Variants in PAQR5 observed in about 807,000 individuals in gnomAD.
The protein encoded by PAQR5 is progestin and adipoQ receptor family member 5, also known as membrane progestin receptor gamma.
PAQR5 carries 20 observed loss-of-function variants against 34.5 expected under a neutral mutation model. That is an observed-to-expected ratio of 0.58 (90% CI 0.41 to 0.84). The LOEUF (loss-of-function observed/expected upper bound fraction) is 0.84, where lower values mean the gene tolerates loss of function less well. PAQR5 is among the 40% of genes least tolerant of loss of function. PAQR5 has a pLI of 0.00. For missense variants in PAQR5, 378 were observed against 412.7 expected, an observed-to-expected ratio of 0.92 and a Z score of 0.73; for synonymous variants, 131 against 155.6, an observed-to-expected ratio of 0.84 and a Z score of 1.18.
intron 5 of PAQR5, among the ~76,000 whole-genome samples, chr15:69,387,032 C>T (rs565040360): frequency 6.6e-6 from 1 of 152,160 alleles, no homozygotes; most frequent in East Asian, 1.9e-4. Flanking sequence ...CTCCTACCTG[C>T]TGTAAGCGGC....
chr15:69,393,194 T>C (rs1460251455), intron 6 of PAQR5, among the ~76,000 whole-genome samples: 1 of 147,734 alleles, frequency 6.8e-6, no homozygotes, highest in Non-Finnish European at 1.5e-5. Context: ...GCCCTTCCAG[T>C]GCCCTTTGTA....
intron 1 of PAQR5, among the ~76,000 whole-genome samples, chr15:69,314,055 TG>T (rs2053888026): frequency 6.6e-6 from 1 of 152,160 alleles, no homozygotes; most frequent in African/African-American, 2.4e-5. Context: ...CCTGGAATCC[TG>T]GCTTGCTGAA....
chr15:69,300,394 T>C (rs1342765493), intron 1 of PAQR5, among the ~76,000 whole-genome samples: 1 of 152,098 alleles, frequency 6.6e-6, no homozygotes, highest in Non-Finnish European at 1.5e-5. Context: ...ACAGCAAAGC[T>C]TCTTTTCCAA....
rs1007319599 is a variant in PAQR5, at chr15:69,389,780, G to C, written c.512G>C (p.Arg171Thr). The change falls in exon 6 of 9, where the codon AGG becomes ACG. Residue 171 changes from arginine (R) to threonine (T), a missense_variant and splice_region_variant. Arg to Thr is a moderately conservative substitution (Grantham distance 71). Transcript: ENST00000395407. ...ILSTGLSCYS[R>T]FLEIQKPRLC... ...AGCACAGGCCTCTCCTGCTACTCCA[G>C]GTACTGGTCGCTCTGACCTCAGATG... The C allele has an allele frequency of 1.9e-6, 3 of 1,614,112 alleles. No homozygotes were observed. Among genetic ancestry groups the C allele is most frequent in the Non-Finnish European group, 1.7e-6 (2 of 1,179,998 alleles).
At chr15:69,303,087 A>C (rs2053641197) in intron 1 of PAQR5, among the ~76,000 whole-genome samples, 1 of 152,186 alleles carries the variant, frequency 6.6e-6, no homozygotes, top group Non-Finnish European at 1.5e-5. Context: ...GGTCTCTCCC[A>C]AGAGATCAGA....
chr15:69,402,377 G>A (rs1158937714), intron 8 of PAQR5, among the ~76,000 whole-genome samples: 1 of 151,846 alleles, frequency 6.6e-6, no homozygotes, highest in African/African-American at 2.4e-5. Context: ...GAGTGCAGTG[G>A]CATGATCTTG....
chr15:69,337,912 T>TA (rs925962886), intron 2 of PAQR5, among the ~76,000 whole-genome samples: 7 of 151,756 alleles, frequency 4.6e-5, no homozygotes, highest in Admixed American at 1.3e-4. Context: ...CTGTCTCTAT[T>TA]AAAAAAATAC....
chr15:69,391,613 A>G (rs1457384747), intron 6 of PAQR5: 1 of 455,818 alleles, frequency 2.2e-6, no homozygotes, highest in Non-Finnish European at 4.4e-6. Flanking sequence ...ACACTCTTGG[A>G]CCTGGTCCTT....
At chr15:69,396,805 C>T (rs2056449421) in intron 6 of PAQR5, 1 of 267,942 alleles carries the variant, frequency 3.7e-6, no homozygotes, top group Non-Finnish European at 7.3e-6. Context: ...TCTGGGGGGA[C>T]CTGCCTCTCT....
At position 69,330,228 on chromosome 15, in the gene PAQR5, C is replaced by A. The variant is rs147427841; in HGVS notation, c.-276-7113C>A. ...ACCTGTGCAAAATTATGACTGAGAC[C>A]GTGAAAGAGATCTAACTTAACTGAC... On this transcript the variant is annotated intron_variant, in intron 1 of 8. Coordinates refer to ENST00000395407, the MANE Select transcript of PAQR5 (RefSeq NM_017705.4). 4.9e-3 allele frequency among the ~76,000 whole-genome samples: 743 copies of A among 152,240 alleles called. 14 individuals carry two copies. Among genetic ancestry groups the A allele is most frequent in the African/African-American group, 0.017 (693 of 41,548 alleles).
chr15:69,318,458 T>A (rs1285563366), intron 1 of PAQR5, among the ~76,000 whole-genome samples: 1 of 152,180 alleles, frequency 6.6e-6, no homozygotes, highest in African/African-American at 2.4e-5. Context: ...GTATGTCTTG[T>A]CTCCTCAGAA....
intron 3 of PAQR5, among the ~76,000 whole-genome samples, chr15:69,375,323 A>T: frequency 6.6e-6 from 1 of 152,016 alleles, no homozygotes; most frequent in Non-Finnish European, 1.5e-5. Flanking sequence ...CCTTCTTGTG[A>T]GGGACACCAG....
chr15:69,339,168 A>ACCCCC lies in PAQR5; in HGVS notation c.-116+1668_-116+1669insCCCCC, dbSNP rs111647955. On this transcript the variant is annotated intron_variant, in intron 2 of 8. Coordinates refer to ENST00000395407, the MANE Select transcript of PAQR5 (RefSeq NM_017705.4). Reference sequence around the variant, plus strand: ...AGTCACCACTCCTGGCCCACTGGCTACACCCCCCACCCCGCCACCAAGTTA... The same window carrying ACCCCC: ...AGTCACCACTCCTGGCCCACTGGCTACCCCCCACCCCCCACCCCGCCACCAAGTTA... Among the ~76,000 whole-genome samples, 105 of 133,948 alleles carry ACCCCC rather than the reference A, an allele frequency of 7.8e-4. 2 individuals are homozygous for ACCCCC. The highest frequency in any genetic ancestry group is 1.0e-3 in the Non-Finnish European group (61 of 60,160). The allele number at this position is 133,948 out of a possible 152,430, so 87.9% of individuals were successfully genotyped here.
chr15:69,397,101 C>A, intron 6 of PAQR5: 1 of 443,438 alleles, frequency 2.3e-6, no homozygotes, highest in Non-Finnish European at 4.5e-6. Flanking sequence ...GTGGATCCCC[C>A]GATTCCCCCT....
intron 4 of PAQR5, chr15:69,382,706 GTA>G (rs2055930522): frequency 1.0e-5 from 1 of 98,752 alleles, no homozygotes; most frequent in Admixed American, 1.1e-4. Context: ...ATATATATAT[GTA>G]TGTATGTATA....
rs1261329487 is a variant in PAQR5 at position 69,403,677 on chromosome 15, T to A, written c.848T>A (p.Leu283His). 2 of 1,614,200 alleles carry A rather than the reference T, an allele frequency of 1.2e-6. No homozygotes were observed. Reference sequence around the variant, plus strand: ...GACAAGACTCTGAGGAAGGAATGGCTCCTGGCCACCTCCAAGCCCTTCTCT... The same window carrying A: ...GACAAGACTCTGAGGAAGGAATGGCACCTGGCCACCTCCAAGCCCTTCTCT... Reference protein sequence around the residue: ...LLDKTLRKEWLLATSKPFSFS... With the variant: ...LLDKTLRKEWHLATSKPFSFS... The change falls in exon 9 of 9, where the codon CTC (leucine) becomes CAC (histidine). Residue 283 changes from leucine to histidine, a missense_variant. By Grantham distance (99) the Leu-to-His change is moderately conservative (BLOSUM62 -3). Transcript: ENST00000395407.
At chr15:69,386,477 C>A (rs2056112761) in intron 5 of PAQR5, among the ~76,000 whole-genome samples, 1 of 152,088 alleles carries the variant, frequency 6.6e-6, no homozygotes, top group Non-Finnish European at 1.5e-5. Flanking sequence ...GTGCCCCTGT[C>A]CAGGGTCCCG....
At chr15:69,318,573 ACT>A (rs1319126310) in intron 1 of PAQR5, among the ~76,000 whole-genome samples, 1 of 151,148 alleles carries the variant, frequency 6.6e-6, no homozygotes, top group African/African-American at 2.4e-5. Flanking sequence ...TTGAATTTAA[ACT>A]CACCTCCGTC....
intron 1 of PAQR5, among the ~76,000 whole-genome samples, chr15:69,299,975 TGAGAA>T (rs2053494104): frequency 6.6e-6 from 1 of 152,156 alleles, no homozygotes; most frequent in Non-Finnish European, 1.5e-5. Context: ...CATGGGCAGA[TGAGAA>T]GACAAGGAGG....
Sources: gnomAD v4.1 joint callset for allele counts (sites outside exome capture counted in the v4.1 genomes callset) on GRCh38, gnomAD v4.1.1 for gene constraint, MANE v1.5 for transcripts, NCBI Gene and HGNC (gene_info 2026-07-23, HGNC 2026-07-21) for gene names.